The following MGAT4C variants were observed in gnomAD, a reference collection of about 807,000 sequenced individuals.
MGAT4C encodes alpha-1,3-mannosyl-glycoprotein 4-beta-N-acetylglucosaminyltransferase C.
Under a neutral mutation model 40.1 loss-of-function variants are expected in MGAT4C, and 19 were observed. The ratio of observed to expected loss-of-function variants is 0.47; its 90% confidence interval spans 0.33 to 0.70. The LOEUF (loss-of-function observed/expected upper bound fraction) is 0.70, where lower values mean the gene tolerates loss of function less well. Ranked by LOEUF, MGAT4C falls within the 30% of genes least tolerant of loss-of-function variation. The pLI is 0.02. For synonymous variants in MGAT4C, 181 were observed against 187.1 expected, an observed-to-expected ratio of 0.97 and a Z score of 0.27; for missense variants, 491 against 563.2, an observed-to-expected ratio of 0.87 and a Z score of 1.30.
intron 2 of MGAT4C, among the ~76,000 whole-genome samples, chr12:86,483,064 C>A (rs1176886405): frequency 6.6e-6 from 1 of 152,134 alleles, no homozygotes; most frequent in African/African-American, 2.4e-5. Context: ...AAATTTATTT[C>A]TCACAGTTTT....
At chr12:86,073,485 A>T (rs1869013980) in intron 1 of MGAT4C, among the ~76,000 whole-genome samples, 1 of 152,160 alleles carries the variant, frequency 6.6e-6, no homozygotes, top group Non-Finnish European at 1.5e-5. Context: ...AGACAGGAAA[A>T]TGTGGGAAAG....
At chr12:86,250,036 T>A (rs1374899241) in intron 1 of MGAT4C, among the ~76,000 whole-genome samples, 2 of 152,144 alleles carry the variant, frequency 1.3e-5, no homozygotes, top group Non-Finnish European at 2.9e-5. Flanking sequence ...ACTGCTGGCA[T>A]GCCATAAGTG....
intron 1 of MGAT4C, among the ~76,000 whole-genome samples, chr12:86,205,358 G>T (rs1483564730): frequency 6.6e-6 from 1 of 151,214 alleles, no homozygotes. Flanking sequence ...TTTTTTCAGT[G>T]ATTTTGTCAC....
chr12:86,408,235 A>T (rs919305894), intron 3 of MGAT4C, among the ~76,000 whole-genome samples: 1 of 151,934 alleles, frequency 6.6e-6, no homozygotes, highest in Non-Finnish European at 1.5e-5. Flanking sequence ...TCATTTTGTA[A>T]GTCTTTAATA....
intron 1 of MGAT4C, among the ~76,000 whole-genome samples, chr12:86,816,724 C>G (rs977228033): frequency 2.0e-5 from 3 of 151,486 alleles, no homozygotes; most frequent in African/African-American, 7.3e-5. Flanking sequence ...ATGTGTGTGT[C>G]TGTGTATTGA....
intron 2 of MGAT4C, among the ~76,000 whole-genome samples, chr12:86,677,647 T>A (rs1949892707): frequency 1.3e-5 from 2 of 152,134 alleles, no homozygotes; most frequent in Non-Finnish European, 2.9e-5. Flanking sequence ...AAAATAAATA[T>A]TCTTTAATTA....
At chr12:86,752,120 T>G (rs1394908084) in intron 1 of MGAT4C, among the ~76,000 whole-genome samples, 1 of 152,006 alleles carries the variant, frequency 6.6e-6, no homozygotes, top group East Asian at 1.9e-4. Context: ...AAGTAAAAGC[T>G]TCTATGTATT....
Position 86,653,577 on chromosome 12 carries a change from A to G in MGAT4C, c.-229+73632T>C, listed in dbSNP as rs144936234. Reference sequence around the variant, plus strand: ...ATTTGGATGTGGACGGTTTATTAGTAAAAGGAAAAAAGACATAACTATTGG... The same window carrying G: ...ATTTGGATGTGGACGGTTTATTAGTGAAAGGAAAAAAGACATAACTATTGG... On this transcript the variant is annotated intron_variant, in intron 2 of 7. Coordinates refer to the MGAT4C transcript ENST00000548651. Among the ~76,000 whole-genome samples the G allele has an allele frequency of 2.1e-3, 316 of 152,072 alleles. 1 individual carries two copies. The highest frequency in any genetic ancestry group is 3.7e-3 in the Non-Finnish European group (254 of 67,906).
intron 1 of MGAT4C, among the ~76,000 whole-genome samples, chr12:86,143,469 C>CA (rs1403684060): frequency 6.6e-6 from 1 of 151,910 alleles, no homozygotes; most frequent in Non-Finnish European, 1.5e-5. Flanking sequence ...CAGTCTATGA[C>CA]AATGTAATAG....
At chr12:86,020,974 G>A (rs543233781) in intron 2 of MGAT4C, among the ~76,000 whole-genome samples, 21 of 152,196 alleles carry the variant, frequency 1.4e-4, no homozygotes, top group African/African-American at 4.3e-4. Flanking sequence ...GCAGCCAAAA[G>A]ACACATGAAA....
chr12:86,177,585 TG>T (rs1395553246), intron 1 of MGAT4C, among the ~76,000 whole-genome samples: 3 of 151,972 alleles, frequency 2.0e-5, no homozygotes, highest in Non-Finnish European at 4.4e-5. Context: ...ATAAAATGAG[TG>T]ATTTATTCTC....
At chr12:86,450,253 C>A (rs1808982917) in intron 2 of MGAT4C, among the ~76,000 whole-genome samples, 1 of 151,952 alleles carries the variant, frequency 6.6e-6, no homozygotes, top group Admixed American at 6.6e-5. Context: ...ATCTGTATTT[C>A]ACCGATGATG....
At chr12:86,633,144 A>C (rs1963115609) in intron 2 of MGAT4C, among the ~76,000 whole-genome samples, 1 of 151,980 alleles carries the variant, frequency 6.6e-6, no homozygotes, top group African/African-American at 2.4e-5. Flanking sequence ...AATACCTTTA[A>C]AATAACCGAT....
At chr12:86,765,271 G>A (rs1201125546) in intron 1 of MGAT4C, among the ~76,000 whole-genome samples, 1 of 152,160 alleles carries the variant, frequency 6.6e-6, no homozygotes, top group Non-Finnish European at 1.5e-5. Context: ...TACCAGTGAT[G>A]TAAGATCAAA....
rs532374589 is a variant in MGAT4C at position 86,478,762 on chromosome 12, A to T, written c.-228-43497T>A. 2.6e-5 allele frequency among the ~76,000 whole-genome samples: 4 copies of T among 152,228 alleles called. No individual in the cohort carries two copies. The South Asian group carries it at 6.2e-4, about 24-fold the overall frequency. On this transcript the variant is annotated intron_variant, in intron 2 of 7. Coordinates refer to the MGAT4C transcript ENST00000548651. The stretch of plus-strand genomic sequence containing the variant: ...TTCAAGTAATTCAAACCTCACAACC[A>T]TATTATGCTATTATTAATAACCATT...
At chr12:86,203,768 A>T (rs985539762) in intron 1 of MGAT4C, among the ~76,000 whole-genome samples, 1 of 151,748 alleles carries the variant, frequency 6.6e-6, no homozygotes, top group East Asian at 1.9e-4. Context: ...GACCAGACTG[A>T]CCAACGTGGT....
chr12:86,420,776 C>CATATATATATATAT (rs55902338), intron 3 of MGAT4C, among the ~76,000 whole-genome samples: 68 of 144,184 alleles, frequency 4.7e-4, no homozygotes, highest in African/African-American at 1.7e-3. Flanking sequence ...ATTTACCTGA[C>CATATATATATATAT]ATATATATAT....
At chr12:86,089,782 G>T (rs1316023763) in intron 1 of MGAT4C, among the ~76,000 whole-genome samples, 2 of 151,618 alleles carry the variant, frequency 1.3e-5, no homozygotes, top group Admixed American at 6.6e-5. Flanking sequence ...CTCCTTGGCA[G>T]ATTTTACAGT....
chr12:86,730,564 T>C (rs1245441949), intron 1 of MGAT4C, among the ~76,000 whole-genome samples: 2 of 152,054 alleles, frequency 1.3e-5, no homozygotes, highest in Non-Finnish European at 2.9e-5. Context: ...TCTGTGCAAA[T>C]ATGTGATATA....
Sources: gnomAD v4.1 joint callset for allele counts (sites outside exome capture counted in the v4.1 genomes callset) on GRCh38, gnomAD v4.1.1 for gene constraint, MANE v1.5 for transcripts, NCBI Gene and HGNC (gene_info 2026-07-23, HGNC 2026-07-21) for gene names.